LHFPL3: variants seen among roughly 807,000 people sequenced by gnomAD.
The protein encoded by LHFPL3 is LHFPL tetraspan subfamily member 3.
In LHFPL3, 5 loss-of-function variants were observed where a neutral mutation model predicts 19.3. The observed-to-expected ratio is 0.26, with a 90% CI of 0.14 to 0.54. The LOEUF (loss-of-function observed/expected upper bound fraction) is 0.54, where lower values mean the gene tolerates loss of function less well. Among genes scored for constraint, LHFPL3 ranks in the 20% least tolerant of loss-of-function variants. The probability of loss-of-function intolerance (pLI) is 0.94; values close to 1 mark genes in which losing one functional copy is unlikely to be tolerated. For missense variants in LHFPL3, 249 were observed against 307.4 expected (o/e 0.81, Z 1.42); for synonymous variants, 133 against 126.2 (o/e 1.05, Z -0.36).
At chr7:104,674,071 G>A (rs1357181789) in intron 1 of LHFPL3, among the ~76,000 whole-genome samples, 1 of 147,970 alleles carries the variant, frequency 6.8e-6, no homozygotes, top group Non-Finnish European at 1.5e-5. Flanking sequence ...AGCCCCAGTA[G>A]CAAAGATTTG....
intron 1 of LHFPL3, among the ~76,000 whole-genome samples, chr7:104,550,835 T>C (rs2115907327): frequency 6.6e-6 from 1 of 152,362 alleles, no homozygotes; most frequent in South Asian, 2.1e-4. Flanking sequence ...GATTTTCCTT[T>C]AAAGTTATTT....
intron 1 of LHFPL3, among the ~76,000 whole-genome samples, chr7:104,722,852 G>C (rs1257372866): frequency 2.0e-5 from 3 of 152,068 alleles, no homozygotes; most frequent in African/African-American, 7.2e-5. Context: ...AGCAACATGA[G>C]GCAATTTATC....
intron 1 of LHFPL3, among the ~76,000 whole-genome samples, chr7:104,679,509 CAT>C (rs1490470244): frequency 6.6e-6 from 1 of 152,212 alleles, no homozygotes; most frequent in African/African-American, 2.4e-5. Context: ...TGTACCAAAA[CAT>C]GTGTGGAACG....
chr7:104,446,854 T>C (rs970427720), intron 1 of LHFPL3, among the ~76,000 whole-genome samples: 2 of 152,162 alleles, frequency 1.3e-5, no homozygotes, highest in African/African-American at 2.4e-5. Context: ...GCCGATTCTA[T>C]AGTTTTATTT....
chr7:104,563,390 C>G (rs1210481436), intron 1 of LHFPL3, among the ~76,000 whole-genome samples: 17 of 152,024 alleles, frequency 1.1e-4, no homozygotes, highest in African/African-American at 4.1e-4. Flanking sequence ...CGTGGTGCAC[C>G]GTTTTTTAAG....
chr7:104,633,055 A>C (rs1242625492), intron 1 of LHFPL3, among the ~76,000 whole-genome samples: 1 of 152,218 alleles, frequency 6.6e-6, no homozygotes, highest in Non-Finnish European at 1.5e-5. Flanking sequence ...ATTTAAGTAC[A>C]AAGGGTGATG....
chr7:104,730,837 T>C (rs1242309199), intron 1 of LHFPL3, among the ~76,000 whole-genome samples: 1 of 152,210 alleles, frequency 6.6e-6, no homozygotes, highest in Admixed American at 6.5e-5. Flanking sequence ...ATGTCCTGAA[T>C]TGTATCGCCT....
At chr7:104,882,522 A>G (rs969860489) in intron 2 of LHFPL3, among the ~76,000 whole-genome samples, 1 of 152,222 alleles carries the variant, frequency 6.6e-6, no homozygotes, top group African/African-American at 2.4e-5. Context: ...TGCTGGGATT[A>G]CAGGCGTGAG....
chr7:104,720,695 G>GA (rs943932833), intron 1 of LHFPL3, among the ~76,000 whole-genome samples: 24 of 151,614 alleles, frequency 1.6e-4, no homozygotes, highest in Middle Eastern at 3.4e-3. Flanking sequence ...AAATTTACAA[G>GA]AAAAAAAACA....
intron 1 of LHFPL3, among the ~76,000 whole-genome samples, chr7:104,576,713 C>T (rs1291177082): frequency 6.6e-6 from 1 of 152,036 alleles, no homozygotes; most frequent in African/African-American, 2.4e-5. Context: ...CCCTGTAGCC[C>T]CCAGTGCCTT....
In LHFPL3 at chr7:104,505,052, T is replaced by C. The variant is rs144858118; in HGVS notation, c.445+175828T>C. 3.0e-4 allele frequency among the ~76,000 whole-genome samples: 46 copies of C among 152,150 alleles called. No homozygotes were observed. The East Asian group carries it at 8.7e-3, about 29-fold the overall frequency. Reference sequence around the variant, plus strand: ...ACACATATACTGCTATGTATACACATATGTGTATATACATACTATGTATAT... The same window carrying C: ...ACACATATACTGCTATGTATACACACATGTGTATATACATACTATGTATAT... On this transcript the variant is annotated intron_variant, in intron 1 of 2. Coordinates refer to ENST00000424859, the MANE Select transcript of LHFPL3 (RefSeq NM_199000.3).
chr7:104,575,947 T>A (rs1209697390), intron 1 of LHFPL3, among the ~76,000 whole-genome samples: 1 of 152,084 alleles, frequency 6.6e-6, no homozygotes, highest in Non-Finnish European at 1.5e-5. Context: ...GCTAAGGAAT[T>A]TGTCTTGTAT....
At chr7:104,368,322 C>G (rs1213886986) in intron 1 of LHFPL3, among the ~76,000 whole-genome samples, 1 of 152,074 alleles carries the variant, frequency 6.6e-6, no homozygotes, top group Non-Finnish European at 1.5e-5. Context: ...GAGATCTACC[C>G]TCTCATTTTT....
intron 1 of LHFPL3, among the ~76,000 whole-genome samples, chr7:104,375,183 A>G (rs1001092490): frequency 1.3e-5 from 2 of 152,122 alleles, no homozygotes; most frequent in African/African-American, 4.8e-5. Flanking sequence ...TACTGAAAAT[A>G]CAAAAATTAG....
chr7:104,331,220 C>G (rs1032189014), intron 1 of LHFPL3, among the ~76,000 whole-genome samples: 2 of 152,146 alleles, frequency 1.3e-5, no homozygotes, highest in African/African-American at 4.8e-5. Context: ...GAAAAATTGT[C>G]TGTCCTGGAG....
intron 1 of LHFPL3, among the ~76,000 whole-genome samples, chr7:104,504,125 C>T (rs1452813633): frequency 5.3e-5 from 8 of 152,130 alleles, no homozygotes; most frequent in Non-Finnish European, 1.2e-4. Context: ...TTCCTTTCAT[C>T]TTTATTTGTT....
intron 1 of LHFPL3, among the ~76,000 whole-genome samples, chr7:104,584,762 G>A (rs555525856): frequency 2.1e-4 from 32 of 152,130 alleles, no homozygotes; most frequent in African/African-American, 7.2e-4. Context: ...CCCATAAGTC[G>A]TCAAACTAAA....
At chr7:104,541,665 T>G (rs919979316) in intron 1 of LHFPL3, among the ~76,000 whole-genome samples, 2 of 152,186 alleles carry the variant, frequency 1.3e-5, no homozygotes, top group Non-Finnish European at 2.9e-5. Context: ...ATTAAGTGTA[T>G]AGCAGCAAGA....
At chr7:104,675,221 T>C (rs1792568947) in intron 1 of LHFPL3, among the ~76,000 whole-genome samples, 1 of 152,208 alleles carries the variant, frequency 6.6e-6, no homozygotes, top group African/African-American at 2.4e-5. Flanking sequence ...CTAAGAGAAG[T>C]GTTTTCTAAA....
Sources: allele counts gnomAD v4.1 joint callset (sites outside exome capture counted in the v4.1 genomes callset), GRCh38; gene constraint gnomAD v4.1.1; transcripts MANE v1.5; gene names NCBI Gene and HGNC (gene_info 2026-07-23, HGNC 2026-07-21).